The following MLLT1 variants were observed in gnomAD, a reference collection of about 807,000 sequenced individuals.
MLLT1 encodes the protein protein ENL.
Under a neutral mutation model 55.1 loss-of-function variants are expected in MLLT1, and 11 were observed. That is an observed-to-expected ratio of 0.20 (90% CI 0.13 to 0.33). The LOEUF is 0.33. Among genes scored for constraint, MLLT1 ranks in the 10% least tolerant of loss-of-function variants. The pLI, the probability that MLLT1 is intolerant of heterozygous loss-of-function variation, is 1.00. For synonymous variants in MLLT1, 323 were observed against 320.1 expected (o/e 1.01, Z -0.10); for missense variants, 536 against 760.6 (o/e 0.70, Z 3.47).
chr19:6,235,997 T>C lies in MLLT1; in HGVS notation c.277-5284A>G, dbSNP rs563937106. Among the ~76,000 whole-genome samples the C allele has an allele frequency of 2.6e-5, 4 of 152,108 alleles. No individual in the cohort carries two copies. Among genetic ancestry groups the C allele is most frequent in the Non-Finnish European group, 5.9e-5 (4 of 68,008 alleles). ...TCTGTCCCAGCATCCCACTGACCCA[T>C]GAACACCACACACAATGGGACTGTC... is the stretch of plus-strand genomic sequence containing the variant. On this transcript the variant is annotated intron_variant, in intron 3 of 11. Coordinates refer to ENST00000252674, the MANE Select transcript of MLLT1 (RefSeq NM_005934.4). The surrounding 1 kb of genome is among the most constrained non-coding windows in gnomAD (Gnocchi z 5.5).
At chr19:6,249,551 A>C (rs891562049) in intron 3 of MLLT1, among the ~76,000 whole-genome samples, 1 of 152,202 alleles carries the variant, frequency 6.6e-6, no homozygotes, top group Non-Finnish European at 1.5e-5. Flanking sequence ...ACTTTCCAAA[A>C]GAACAGTTCA....
At position 6,270,824 on chromosome 19, in the gene MLLT1, A is replaced by G; in HGVS notation, c.13-65T>C. ...CCTCCAAGCAGGGGACTGTCCCCTT[A>G]CCCACAGAGAACTTTCGATAAAGAC... On this transcript the variant is annotated intron_variant, in intron 1 of 11. Coordinates refer to ENST00000252674, the MANE Select transcript of MLLT1 (RefSeq NM_005934.4). The surrounding 1 kb of genome is among the most constrained non-coding windows in gnomAD (Gnocchi z 7.1). 6.8e-7 allele frequency: 1 copy of G among 1,471,190 alleles called. No homozygotes were observed. Among genetic ancestry groups the G allele is most frequent in the Non-Finnish European group, 9.2e-7 (1 of 1,090,330 alleles). The allele number at this position is 1,471,190 out of a possible 1,614,324, so 91.1% of individuals were successfully genotyped here.
rs1042143065 is a variant in MLLT1 at position 6,235,707 on chromosome 19, C to T, written c.277-4994G>A. Among the ~76,000 whole-genome samples, 8 of 152,184 alleles carry T rather than the reference C, an allele frequency of 5.3e-5. No individual in the cohort carries two copies. Among genetic ancestry groups the T allele is most frequent in the Non-Finnish European group, 1.2e-4 (8 of 68,028 alleles). ...GACCACCTGCCTCCTAACCGTCACCCGCTTCCACCACAGCCCCCTTTCAGG... is the reference window on the plus strand; with the variant it reads ...GACCACCTGCCTCCTAACCGTCACCTGCTTCCACCACAGCCCCCTTTCAGG... On this transcript the variant is annotated intron_variant, in intron 3 of 11. Coordinates refer to ENST00000252674, the MANE Select transcript of MLLT1 (RefSeq NM_005934.4). The surrounding 1 kb of genome is among the most constrained non-coding windows in gnomAD (Gnocchi z 5.5).
At position 6,230,595 on chromosome 19, in the gene MLLT1, C is replaced by T. The variant is rs1201628323; in HGVS notation, c.395G>A (p.Arg132Gln). Residue 132 changes from arginine (R) to glutamine (Q), a missense_variant, in exon 4 of 12, where the codon CGG (arginine) becomes CAG (glutamine). Coordinates refer to ENST00000252674, the MANE Select transcript of MLLT1 (RefSeq NM_005934.4). The surrounding 1 kb of genome is among the most constrained non-coding windows in gnomAD (Gnocchi z 9.0). ...LTFNNPTTEF[R>Q]YKLLRAGGVM... is the part of the protein sequence containing the mutation. The stretch of plus-strand genomic sequence containing the variant: ...CCCGCCGGCCCGCAGGAGCTTGTAC[C>T]GGAACTCCGTGGTGGGGTTGTTGAA... 6.2e-7 allele frequency: 1 copy of T among 1,613,754 alleles called. No homozygotes were observed. Among genetic ancestry groups the T allele is most frequent in the Admixed American group, 1.7e-5 (1 of 60,032 alleles).
intron 1 of MLLT1, among the ~76,000 whole-genome samples, chr19:6,279,547 C>G (rs2091446508): frequency 6.6e-6 from 1 of 151,878 alleles, no homozygotes; most frequent in Non-Finnish European, 1.5e-5. Flanking sequence ...TCCCAAGGGG[C>G]TCCGGGCCCG....
In MLLT1 at chr19:6,213,399, C is replaced by T. The variant is rs1297723618; in HGVS notation, c.1489G>A (p.Asp497Asn). The T allele has an allele frequency of 6.2e-7, 1 of 1,611,630 alleles. No homozygotes were observed. The highest frequency in any genetic ancestry group is 8.5e-7 in the Non-Finnish European group (1 of 1,179,902). The change falls in exon 11 of 12, where the codon GAT becomes AAT. Residue 497 changes from aspartate (D) to asparagine (N), a missense_variant. Physicochemically the swap from Asp to Asn is conservative, Grantham distance 23. Transcript: ENST00000252674. ...CTCCGGTGTAGCTCCACCAGCTCAT[C>T]CGTGTAGGCCTGGGGAGGGGGGGCA... ...KKGTYDKAYTDELVELHRRLM... is the reference protein window; with the variant it reads ...KKGTYDKAYTNELVELHRRLM...
rs994528884 is a variant in MLLT1, at chr19:6,271,768, A to G, written c.13-1009T>C. ...AGCGCACACTTGCTTCTAAGTGCTG[A>G]GATAGCCGGGAGCCAGCCAGACCAT... is the stretch of plus-strand genomic sequence containing the variant. On this transcript the variant is annotated intron_variant, in intron 1 of 11. Transcript: ENST00000252674. 2.6e-4 allele frequency among the ~76,000 whole-genome samples: 40 copies of G among 152,374 alleles called. No individual in the cohort carries two copies. The Middle Eastern group carries it at 0.014, about 52-fold the overall frequency.
chr19:6,271,285 A>G (rs973176593), intron 1 of MLLT1, among the ~76,000 whole-genome samples: 9 of 152,160 alleles, frequency 5.9e-5, no homozygotes, highest in Non-Finnish European at 1.5e-5. Flanking sequence ...TCTGCCACCT[A>G]AGCTTGTTGA....
intron 1 of MLLT1, among the ~76,000 whole-genome samples, chr19:6,274,379 C>T (rs767050682): frequency 2.2e-4 from 34 of 152,190 alleles, no homozygotes; most frequent in Non-Finnish European, 4.6e-4. Flanking sequence ...GGTAACCACC[C>T]CCCTTCCCCC....
chr19:6,269,283 G>A (rs577798794), intron 2 of MLLT1, among the ~76,000 whole-genome samples: 27 of 152,346 alleles, frequency 1.8e-4, no homozygotes, highest in African/African-American at 2.2e-4. Flanking sequence ...CCGTCTCCCC[G>A]TCTGCAGAAG....
chr19:6,272,897 T>G (rs905288847), intron 1 of MLLT1, among the ~76,000 whole-genome samples: 3 of 152,216 alleles, frequency 2.0e-5, no homozygotes, highest in African/African-American at 7.2e-5. Flanking sequence ...CAATTTCTAT[T>G]TGGCAACTTA....
chr19:6,264,260 AG>A (rs2091328618), intron 2 of MLLT1, among the ~76,000 whole-genome samples: 3 of 82,122 alleles, frequency 3.7e-5, no homozygotes, highest in Admixed American at 3.1e-4. Context: ...TCCCCACCCC[AG>A]GAAGTTTCAG....
intron 3 of MLLT1, among the ~76,000 whole-genome samples, chr19:6,253,264 CAAAAAAAAAAAAA>C (rs71172800): frequency 2.0e-3 from 50 of 24,578 alleles, no homozygotes; most frequent in East Asian, 8.3e-3. Flanking sequence ...GACCCCATCT[CAAAAAAAAAAAAA>C]AAAAAAAAAA....
At chr19:6,267,784 T>C (rs151192975) in intron 2 of MLLT1, among the ~76,000 whole-genome samples, 1 of 152,280 alleles carries the variant, frequency 6.6e-6, no homozygotes, top group African/African-American at 2.4e-5. Flanking sequence ...TCTTCGTCAA[T>C]AAGCTTAACA....
chr19:6,264,892 T>TAA (rs34494210), intron 2 of MLLT1, among the ~76,000 whole-genome samples: 3,020 of 73,494 alleles, frequency 0.041, 103 homozygotes, highest in African/African-American at 0.065. Flanking sequence ...GAAACTCTGT[T>TAA]AAAAAAAAAA....
intron 2 of MLLT1, among the ~76,000 whole-genome samples, chr19:6,269,275 G>A (rs1043157499): frequency 7.2e-5 from 11 of 152,356 alleles, no homozygotes; most frequent in South Asian, 2.1e-4. Flanking sequence ...CCCTGGACCC[G>A]TCTCCCCGTC....
intron 3 of MLLT1, among the ~76,000 whole-genome samples, chr19:6,248,088 A>G (rs2091184159): frequency 6.6e-6 from 1 of 152,064 alleles, no homozygotes; most frequent in South Asian, 2.1e-4. Flanking sequence ...ACGGGGTGCC[A>G]TGTTGGCCAG....
intron 2 of MLLT1, among the ~76,000 whole-genome samples, chr19:6,266,683 C>T (rs2091351870): frequency 2.0e-5 from 3 of 152,170 alleles, no homozygotes; most frequent in Admixed American, 6.5e-5. Flanking sequence ...TCTTGAACTC[C>T]TGATCTCAGG....
rs975755338 is a variant in MLLT1 at position 6,230,975 on chromosome 19, G to T, written c.277-262C>A. ...ATAGCCATGCTCTCGGACTGTTATG[G>T]GAAACATGTACCCCCTTCAACCCTC... On this transcript the variant is annotated intron_variant, in intron 3 of 11. Coordinates refer to ENST00000252674, the MANE Select transcript of MLLT1 (RefSeq NM_005934.4). This position sits in a 1 kb window ranked among gnomAD's most constrained non-coding sequence, Gnocchi z 9.0. Among the ~76,000 whole-genome samples the T allele has an allele frequency of 6.6e-6, 1 of 152,178 alleles. No individual in the cohort carries two copies. Among genetic ancestry groups the T allele is most frequent in the African/African-American group, 2.4e-5 (1 of 41,450 alleles).
Sources: gnomAD v4.1 joint callset for allele counts (sites outside exome capture counted in the v4.1 genomes callset) on GRCh38, gnomAD v4.1.1 for gene constraint, Gnocchi (gnomAD v3.1) non-coding constraint, MANE v1.5 for transcripts, NCBI Gene and HGNC (gene_info 2026-07-23, HGNC 2026-07-21) for gene names.